Variants in TTC3 observed in about 807,000 individuals in gnomAD.
TTC3 encodes E3 ubiquitin-protein ligase TTC3.
In TTC3, 180 loss-of-function variants were observed where a neutral mutation model predicts 249.6. That is an observed-to-expected ratio of 0.72 (90% CI 0.64 to 0.82). The LOEUF is 0.82. TTC3 is among the 40% of genes least tolerant of loss of function. TTC3 has a pLI of 0.00. For missense variants in TTC3, 2,061 were observed against 2,398.4 expected (o/e 0.86, Z 2.94); for synonymous variants, 717 against 805.0 (o/e 0.89, Z 1.85).
chr21:37,200,579 G>T (rs1378117884), intron 45 of TTC3, among the ~76,000 whole-genome samples: 1 of 152,208 alleles, frequency 6.6e-6, no homozygotes, highest in Non-Finnish European at 1.5e-5. Flanking sequence ...TTAGTGCTGA[G>T]ATTCAAAGCA....
chr21:37,156,148 C>T (rs1411363469), intron 27 of TTC3, among the ~76,000 whole-genome samples: 2 of 151,810 alleles, frequency 1.3e-5, no homozygotes, highest in African/African-American at 4.8e-5. Flanking sequence ...GCAGTACCCC[C>T]ACCTCAGCCT....
chr21:37,166,591 A>G, exon 33 of TTC3: 1 of 1,613,182 alleles, frequency 6.2e-7, no homozygotes, highest in Non-Finnish European at 8.5e-7. Context: ...CAAACATTCC[A>G]CACGTGCAGA....
intron 45 of TTC3, among the ~76,000 whole-genome samples, chr21:37,201,045 G>A (rs1317500707): frequency 1.3e-5 from 2 of 152,206 alleles, no homozygotes; most frequent in African/African-American, 2.4e-5. Flanking sequence ...CAGGCTGGAG[G>A]GCTGTTCCAG....
intron 1 of TTC3, among the ~76,000 whole-genome samples, chr21:37,074,686 C>T (rs1461072029): frequency 1.3e-5 from 2 of 152,080 alleles, no homozygotes; most frequent in Non-Finnish European, 2.9e-5. Flanking sequence ...GCGATTTATC[C>T]TAAGGAAAAT....
intron 1 of TTC3, chr21:37,082,981 A>C: frequency 3.6e-5 from 35 of 985,322 alleles, no homozygotes; most frequent in Non-Finnish European, 4.2e-5. Flanking sequence ...AGCAGTACAG[A>C]TGGCAAATGG....
intron 44 of TTC3, 40 bp from the exon 45 acceptor site, chr21:37,200,192 G>A (rs778152295): frequency 1.3e-6 from 2 of 1,590,878 alleles, no homozygotes; most frequent in East Asian, 2.2e-5. Context: ...AAAAACAACT[G>A]TAGTTATTCT....
rs2073254617 is a variant in TTC3 at position 37,091,479 on chromosome 21, T to C, written c.601+66T>C. 5.0e-6 allele frequency: 7 copies of C among 1,390,160 alleles called. No individual in the cohort carries two copies. The Admixed American group carries it at 1.1e-4, about 22-fold the overall frequency. 86.1% of individuals were successfully genotyped at this position (1,390,160 alleles called of 1,614,324 possible). A position where few individuals can be genotyped will look rare whatever the true frequency, so the allele number is the denominator to read the frequency against. ...TAAAGGTGTTTGGGAAAATGAGATA[T>C]GTAGTTAAGTGATTTCTGATTTATC... On this transcript the variant is annotated intron_variant, in intron 7 of 45. Coordinates refer to ENST00000355666, the Ensembl canonical transcript of TTC3.
chr21:37,168,735 A>G (rs1305259055), intron 34 of TTC3, among the ~76,000 whole-genome samples: 1 of 47,878 alleles, frequency 2.1e-5, no homozygotes, highest in African/African-American at 8.9e-5. Context: ...CTCAAAAGCT[A>G]GTGGCTTAAA....
intron 1 of TTC3, among the ~76,000 whole-genome samples, chr21:37,078,380 T>C (rs1201205329): frequency 6.6e-6 from 1 of 152,150 alleles, no homozygotes; most frequent in African/African-American, 2.4e-5. Context: ...ATTGAATCAG[T>C]TTGGGGGAGA....
chr21:37,165,167 T>G (rs890927300), intron 32 of TTC3, among the ~76,000 whole-genome samples: 1 of 152,220 alleles, frequency 6.6e-6, no homozygotes, highest in African/African-American at 2.4e-5. Context: ...ATAGGATTTG[T>G]TTTTGAGATT....
Position 37,074,021 on chromosome 21 carries a change from C to G in TTC3, c.-12+657C>G, listed in dbSNP as rs574454023. 5.5e-3 allele frequency among the ~76,000 whole-genome samples: 834 copies of G among 152,328 alleles called. 7 individuals are homozygous for G. The highest frequency in any genetic ancestry group is 0.019 in the African/African-American group (799 of 41,562). ...GGATTTAATTCTGTCGAGTGGGTATCTCTTGTGTGCAGGTTTCGTTGGTGA... is the reference window on the plus strand; with the variant it reads ...GGATTTAATTCTGTCGAGTGGGTATGTCTTGTGTGCAGGTTTCGTTGGTGA... On this transcript the variant is annotated intron_variant, in intron 1 of 45. Transcript: ENST00000355666.
At chr21:37,088,989 A>C in intron 5 of TTC3, 103 bp downstream of exon 5, 1 of 1,047,340 alleles carries the variant, frequency 9.5e-7, no homozygotes, top group Non-Finnish European at 1.4e-6. Flanking sequence ...TTAACAGGTA[A>C]TGGTTTTAGT....
At chr21:37,111,141 A>G (rs184196881) in intron 11 of TTC3, among the ~76,000 whole-genome samples, 1 of 152,322 alleles carries the variant, frequency 6.6e-6, no homozygotes. Context: ...AAGAAACTGC[A>G]TCAACTAACG....
At chr21:37,126,541 A>G (rs184896526) in intron 15 of TTC3, among the ~76,000 whole-genome samples, 134 of 152,294 alleles carry the variant, frequency 8.8e-4, no homozygotes, top group African/African-American at 2.9e-3. Flanking sequence ...TTTATGTACC[A>G]TATGTGCATC....
At chr21:37,109,569 C>T (rs112879817) in intron 11 of TTC3, among the ~76,000 whole-genome samples, 12 of 152,350 alleles carry the variant, frequency 7.9e-5, no homozygotes, top group South Asian at 2.1e-4. Flanking sequence ...CCCAGAAGCT[C>T]GAACTGGGTG....
chr21:37,188,508 A>G, exon 39 of TTC3: 2 of 1,613,732 alleles, frequency 1.2e-6, no homozygotes, highest in Non-Finnish European at 1.7e-6. Flanking sequence ...TCCGTACTTG[A>G]AAACTGGAAG....
In TTC3 at chr21:37,073,314, C is replaced by CT. The variant is rs1483202977; in HGVS notation, c.-62_-61insT. Reference sequence around the variant, plus strand: ...CCGGAGGTGGCGGCGGCGGCGGCGGCGGCTGCTGCTGCTGCTGCCCGCGTC... The same window carrying CT: ...CCGGAGGTGGCGGCGGCGGCGGCGGCTGGCTGCTGCTGCTGCTGCCCGCGTC... On this transcript the variant is annotated 5_prime_UTR_variant, in exon 1 of 46. Transcript: ENST00000355666. 953 of 512,190 alleles carry CT rather than the reference C, an allele frequency of 1.9e-3. 1 individual carries two copies. Among genetic ancestry groups the CT allele is most frequent in the Non-Finnish European group, 2.1e-3 (853 of 402,870 alleles). 31.7% of individuals were successfully genotyped at this position (512,190 alleles called of 1,614,324 possible).
chr21:37,200,306 G>T, exon 45 of TTC3: 1 of 1,614,196 alleles, frequency 6.2e-7, no homozygotes, highest in Non-Finnish European at 8.5e-7. Context: ...TCAAATGTGG[G>T]CACAAGTATC....
In TTC3 at chr21:37,188,599, T is replaced by C. The variant is rs2083583976; in HGVS notation, c.5024+4T>C. 1.2e-6 allele frequency: 2 copies of C among 1,613,416 alleles called. No homozygotes were observed. The highest frequency in any genetic ancestry group is 1.7e-6 in the Non-Finnish European group (2 of 1,179,512). ...AGAAGCTGGGGCTGATTAGCCGGTA[T>C]TGCAGTTTCGTGGGTGTTCTCAGCA... is the stretch of plus-strand genomic sequence containing the variant. On this transcript the variant is annotated splice_donor_region_variant and intron_variant, in intron 39 of 45. Coordinates refer to ENST00000355666, the Ensembl canonical transcript of TTC3.
Sources: allele counts gnomAD v4.1 joint callset (sites outside exome capture counted in the v4.1 genomes callset), GRCh38; gene constraint gnomAD v4.1.1; transcripts MANE v1.5; gene names NCBI Gene and HGNC (gene_info 2026-07-23, HGNC 2026-07-21).